IRAG1: variants seen among roughly 807,000 people sequenced by gnomAD.
IRAG1 encodes IP3R-associated cGMP kinase substrate.
A neutral mutation model predicts 106.2 loss-of-function variants in IRAG1; 62 were observed. That is an observed-to-expected ratio of 0.58 (90% CI 0.48 to 0.72). The LOEUF is 0.72. Among genes scored for constraint, IRAG1 ranks in the 30% least tolerant of loss-of-function variants. The pLI is 0.00. For synonymous variants in IRAG1, 462 were observed against 443.9 expected (o/e 1.04, Z -0.51); for missense variants, 1,064 against 1,140.7 (o/e 0.93, Z 0.97).
At chr11:10,636,177 C>A (rs936685586) in intron 2 of IRAG1, among the ~76,000 whole-genome samples, 4 of 152,130 alleles carry the variant, frequency 2.6e-5, no homozygotes, top group Admixed American at 2.0e-4. Context: ...TGATAAGGTA[C>A]CTATGCATGA....
At chr11:10,693,142 G>C (rs539638191) in intron 1 of IRAG1, among the ~76,000 whole-genome samples, 5 of 152,252 alleles carry the variant, frequency 3.3e-5, no homozygotes, top group South Asian at 2.1e-4. Context: ...CAGAGAGAGA[G>C]ACACAGGAAG....
At position 10,644,651 on chromosome 11, in the gene IRAG1, G is replaced by A. The variant is rs562668513; in HGVS notation, c.225+7374C>T. ...CAGTGCCTGGCACATGGGAGGTACC[G>A]TATGAGGGTTCTCACTGGGGAAGCT... On this transcript the variant is annotated intron_variant, in intron 2 of 20. Coordinates refer to ENST00000423302, the MANE Select transcript of IRAG1 (RefSeq NM_130385.4). Among the ~76,000 whole-genome samples, 8 of 152,304 alleles carry A rather than the reference G, an allele frequency of 5.3e-5. 1 individual carries two copies. The highest frequency in any genetic ancestry group is 1.9e-4 in the African/African-American group (8 of 41,560).
At chr11:10,660,519 C>T (rs1564932972) in intron 1 of IRAG1, among the ~76,000 whole-genome samples, 2 of 152,118 alleles carry the variant, frequency 1.3e-5, no homozygotes, top group Non-Finnish European at 2.9e-5. Context: ...GGCCTTTTCC[C>T]CCCAGAGAGC....
intron 10 of IRAG1, among the ~76,000 whole-genome samples, chr11:10,621,727 G>T (rs896054236): frequency 1.3e-5 from 2 of 152,108 alleles, no homozygotes; most frequent in African/African-American, 4.8e-5. Flanking sequence ...TAAAATCAGA[G>T]GTAACAAAAT....
intron 1 of IRAG1, among the ~76,000 whole-genome samples, chr11:10,654,235 C>A (rs1858746850): frequency 1.4e-5 from 1 of 71,876 alleles, no homozygotes; most frequent in African/African-American, 4.3e-5. Context: ...CTCTGACAGA[C>A]CCCCCAGCCA....
At chr11:10,667,106 C>A (rs187798604) in intron 1 of IRAG1, among the ~76,000 whole-genome samples, 28 of 151,932 alleles carry the variant, frequency 1.8e-4, no homozygotes, top group Admixed American at 1.6e-3. Context: ...TTTAATATGA[C>A]AACATATGTT....
Position 10,591,727 on chromosome 11 carries a change from A to G in IRAG1, c.2176-115T>C. The G allele has an allele frequency of 3.3e-6, 3 of 923,032 alleles. No homozygotes were observed. In the South Asian group the frequency reaches 4.3e-5, roughly 13 times the overall value. 57.2% of individuals were successfully genotyped at this position (923,032 alleles called of 1,614,324 possible). A position where few individuals can be genotyped will look rare whatever the true frequency, so the allele number is the denominator to read the frequency against. On this transcript the variant is annotated intron_variant, in intron 17 of 20. Coordinates refer to ENST00000423302, the MANE Select transcript of IRAG1 (RefSeq NM_130385.4). ...GGCTGCTGCTTCTCCTCTTTCCTCCATGCCCCCACTTTCCAATCTTCATCT... is the reference window on the plus strand; with the variant it reads ...GGCTGCTGCTTCTCCTCTTTCCTCCGTGCCCCCACTTTCCAATCTTCATCT...
intron 18 of IRAG1, among the ~76,000 whole-genome samples, chr11:10,586,885 A>G (rs1852067564): frequency 6.6e-6 from 1 of 152,230 alleles, no homozygotes. Context: ...GTGCCTGTCA[A>G]GTTGCATCGG....
At chr11:10,661,845 G>C (rs1216583202) in intron 1 of IRAG1, among the ~76,000 whole-genome samples, 1 of 152,154 alleles carries the variant, frequency 6.6e-6, no homozygotes, top group Non-Finnish European at 1.5e-5. Flanking sequence ...TAGGTTCCTG[G>C]GTTAGGATGT....
chr11:10,653,701 G>GA (rs1280242128), intron 1 of IRAG1, among the ~76,000 whole-genome samples: 1 of 152,120 alleles, frequency 6.6e-6, no homozygotes, highest in Non-Finnish European at 1.5e-5. Context: ...TCCCAAGCAG[G>GA]ATGCTCCAAG....
At chr11:10,640,513 G>C (rs1857436500) in intron 2 of IRAG1, among the ~76,000 whole-genome samples, 1 of 152,188 alleles carries the variant, frequency 6.6e-6, no homozygotes, top group South Asian at 2.1e-4. Flanking sequence ...CTCCTTTTCT[G>C]CAAAACTGTT....
At chr11:10,586,258 C>T (rs1158486915) in intron 18 of IRAG1, 1 of 152,060 alleles carries the variant, frequency 6.6e-6, no homozygotes, top group Admixed American at 6.6e-5. Flanking sequence ...TCTCTCCTGA[C>T]CTCTAAACTG....
intron 15 of IRAG1, among the ~76,000 whole-genome samples, chr11:10,599,133 G>T (rs1853661282): frequency 6.6e-6 from 1 of 152,178 alleles, no homozygotes; most frequent in Non-Finnish European, 1.5e-5. Context: ...CATCCTCCTA[G>T]AGTGAATGTG....
intron 17 of IRAG1, 59 bp downstream of exon 17, chr11:10,593,433 G>T: frequency 6.8e-7 from 1 of 1,471,798 alleles, no homozygotes; most frequent in Non-Finnish European, 9.5e-7. Context: ...CTAGGACTGA[G>T]TACGAAGGAA....
intron 14 of IRAG1, among the ~76,000 whole-genome samples, chr11:10,602,619 A>C (rs11042893): frequency 6.6e-6 from 1 of 151,926 alleles, no homozygotes; most frequent in Admixed American, 6.5e-5. Flanking sequence ...CTGCATCTTC[A>C]TCTGGGAGAC....
intron 1 of IRAG1, among the ~76,000 whole-genome samples, chr11:10,682,159 G>A (rs1370299010): frequency 1.4e-4 from 22 of 152,198 alleles, no homozygotes; most frequent in Admixed American, 1.4e-3. Context: ...GATAATGTAT[G>A]TAAAGAACTT....
intron 17 of IRAG1, 90 bp downstream of exon 17, chr11:10,593,402 C>A: frequency 5.9e-6 from 6 of 1,010,804 alleles, no homozygotes; most frequent in South Asian, 4.6e-5. Context: ...ACCCTGCCCC[C>A]ATTTGGTCAC....
intron 1 of IRAG1, among the ~76,000 whole-genome samples, chr11:10,684,175 C>G (rs1363595213): frequency 6.6e-6 from 1 of 152,088 alleles, no homozygotes; most frequent in African/African-American, 2.4e-5. Flanking sequence ...TATTGCGGCA[C>G]TATTCACAAT....
chr11:10,693,740 C>T lies in IRAG1; in HGVS notation c.-138G>A. On this transcript the variant is annotated 5_prime_UTR_variant, in exon 1 of 21. Coordinates refer to ENST00000423302, the MANE Select transcript of IRAG1 (RefSeq NM_130385.4). ...CTCTGGGAGCCCCACTCCGGCCTGGCTCGGGGGATAATGGCAGGGAAAGCC... is the reference window on the plus strand; with the variant it reads ...CTCTGGGAGCCCCACTCCGGCCTGGTTCGGGGGATAATGGCAGGGAAAGCC... The T allele has an allele frequency of 9.7e-7, 1 of 1,031,032 alleles. No homozygotes were observed. The highest frequency in any genetic ancestry group is 2.5e-5 in the Admixed American group (1 of 39,856). The allele number at this position is 1,031,032 out of a possible 1,614,324, so 63.9% of individuals were successfully genotyped here.
Sources: gnomAD v4.1 joint callset for allele counts (sites outside exome capture counted in the v4.1 genomes callset) on GRCh38, gnomAD v4.1.1 for gene constraint, MANE v1.5 for transcripts, NCBI Gene and HGNC (gene_info 2026-07-23, HGNC 2026-07-21) for gene names.